TRHDE: variants seen among roughly 807,000 people sequenced by gnomAD.
The protein encoded by TRHDE is thyrotropin-releasing hormone-degrading ectoenzyme.
A neutral mutation model predicts 125.7 loss-of-function variants in TRHDE; 72 were observed. The observed-to-expected ratio is 0.57, with a 90% CI of 0.47 to 0.70. The LOEUF is 0.70. TRHDE is among the 30% of genes least tolerant of loss of function. TRHDE has a pLI of 0.00. For synonymous variants in TRHDE, 509 were observed against 509.1 expected, an observed-to-expected ratio of 1.00 and a Z score of 0.00; for missense variants, 1,110 against 1,327.1, an observed-to-expected ratio of 0.84 and a Z score of 2.54.
chr12:72,495,068 T>G (rs1055234016), intron 5 of TRHDE, among the ~76,000 whole-genome samples: 2 of 138,486 alleles, frequency 1.4e-5, no homozygotes, highest in African/African-American at 5.3e-5. Flanking sequence ...CCGTTTTTTT[T>G]TTTTTTTTTT....
chr12:72,272,075 C>A, upstream of TRHDE: 1 of 457,742 alleles, frequency 2.2e-6, no homozygotes, highest in Non-Finnish European at 4.4e-6. The surrounding 1 kb of genome is among the most constrained non-coding windows in gnomAD (Gnocchi z 6.7). Flanking sequence ...TCTCCAGCTG[C>A]AGGGTGTATG....
At chr12:72,098,507 G>A (rs1874990773) in intron 1 of TRHDE, among the ~76,000 whole-genome samples, 1 of 152,030 alleles carries the variant, frequency 6.6e-6, no homozygotes, top group Non-Finnish European at 1.5e-5. Context: ...TGCTGTTTCT[G>A]TAATTTAGAG....
chr12:72,174,812 C>T (rs1876952573), intron 2 of TRHDE, among the ~76,000 whole-genome samples: 1 of 152,152 alleles, frequency 6.6e-6, no homozygotes, highest in South Asian at 2.1e-4. Context: ...TTTGTCATTT[C>T]ATTAAGGTGG....
At chr12:72,429,359 A>G (rs1874336110) in intron 3 of TRHDE, among the ~76,000 whole-genome samples, 1 of 149,378 alleles carries the variant, frequency 6.7e-6, no homozygotes, top group South Asian at 2.1e-4. Flanking sequence ...TAATAATAAT[A>G]ATAATAATAA....
At chr12:72,646,784 T>C (rs555742404) in intron 15 of TRHDE, among the ~76,000 whole-genome samples, 2 of 151,990 alleles carry the variant, frequency 1.3e-5, no homozygotes, top group Admixed American at 6.6e-5. Flanking sequence ...TAGAAAGATA[T>C]AACAAATTAT....
chr12:72,523,897 T>C (rs539183013), intron 6 of TRHDE, among the ~76,000 whole-genome samples: 1 of 152,296 alleles, frequency 6.6e-6, no homozygotes, highest in South Asian at 2.1e-4. Context: ...ACAGAATACA[T>C]CTGTGCTTTG....
chr12:72,128,983 C>T (rs1875789805), intron 2 of TRHDE, among the ~76,000 whole-genome samples: 1 of 152,114 alleles, frequency 6.6e-6, no homozygotes, highest in East Asian at 1.9e-4. Context: ...CACTAAGGCA[C>T]ATCATAATTA....
At chr12:72,561,485 AGAG>A (rs1357111625) in intron 7 of TRHDE, among the ~76,000 whole-genome samples, 9 of 152,320 alleles carry the variant, frequency 5.9e-5, no homozygotes, top group East Asian at 1.9e-4. Context: ...CATGCTTCTT[AGAG>A]GAGAACAAAG....
Position 72,153,206 on chromosome 12 carries a change from G to C in TRHDE, n.279+47454G>C, listed in dbSNP as rs573428490. ...CATAGAGGTGTTTATAGTATTCTCT[G>C]ATGGTAGTTTGTATTTCTGTGGGAT... On this transcript the variant is annotated intron_variant and non_coding_transcript_variant, in intron 2 of 4. Transcript: ENST00000548156. Among the ~76,000 whole-genome samples, 9 of 152,256 alleles carry C rather than the reference G, an allele frequency of 5.9e-5. No individual in the cohort carries two copies. In the Middle Eastern group the frequency reaches 0.01, roughly 173 times the overall value.
chr12:72,551,679 T>C (rs1869679894), intron 7 of TRHDE, among the ~76,000 whole-genome samples: 1 of 152,146 alleles, frequency 6.6e-6, no homozygotes, highest in African/African-American at 2.4e-5. Flanking sequence ...GGCATGGTCC[T>C]GAATACACAG....
intron 5 of TRHDE, among the ~76,000 whole-genome samples, chr12:72,496,395 G>A (rs1388058903): frequency 2.0e-5 from 3 of 152,278 alleles, no homozygotes; most frequent in South Asian, 2.1e-4. Context: ...CAAACATGGC[G>A]GAAGGCGAAT....
chr12:72,268,035 G>A (rs1186505120), upstream of TRHDE, among the ~76,000 whole-genome samples: 1 of 152,076 alleles, frequency 6.6e-6, no homozygotes, highest in Non-Finnish European at 1.5e-5. Flanking sequence ...AATAAACTTT[G>A]CAGTAATGTT....
intron 17 of TRHDE, among the ~76,000 whole-genome samples, chr12:72,654,886 T>G (rs1874645923): frequency 6.6e-6 from 1 of 152,170 alleles, no homozygotes; most frequent in South Asian, 2.1e-4. Context: ...AAACACACTT[T>G]AGCCTCTTCC....
chr12:72,268,361 GATTA>G (rs1392311128), upstream of TRHDE, among the ~76,000 whole-genome samples: 35 of 152,082 alleles, frequency 2.3e-4, no homozygotes, highest in Admixed American at 2.3e-3. Context: ...TCATGAAGAA[GATTA>G]ATTAAATATT....
At chr12:72,553,435 AACCC>A (rs1452333765) in intron 7 of TRHDE, among the ~76,000 whole-genome samples, 6 of 152,208 alleles carry the variant, frequency 3.9e-5, no homozygotes, top group Non-Finnish European at 8.8e-5. Flanking sequence ...ATAGACAAAT[AACCC>A]ACCATTAATA....
intron 2 of TRHDE, among the ~76,000 whole-genome samples, chr12:72,305,664 T>C (rs1412914924): frequency 6.6e-6 from 1 of 152,204 alleles, no homozygotes; most frequent in East Asian, 1.9e-4. Flanking sequence ...AAAGCCATTA[T>C]TAACTGGTTG....
chr12:72,092,432 G>A (rs1185739637), intron 1 of TRHDE, among the ~76,000 whole-genome samples: 1 of 152,196 alleles, frequency 6.6e-6, no homozygotes, highest in African/African-American at 2.4e-5. Flanking sequence ...TCAAACACAA[G>A]TGGATGGAGA....
intron 2 of TRHDE, among the ~76,000 whole-genome samples, chr12:72,349,615 C>A (rs1870491306): frequency 6.6e-6 from 1 of 151,798 alleles, no homozygotes; most frequent in Admixed American, 6.6e-5. Flanking sequence ...AGCAGTAGAC[C>A]CTACTGACTT....
chr12:72,399,492 T>G (rs376990421), intron 3 of TRHDE, among the ~76,000 whole-genome samples: 12 of 152,280 alleles, frequency 7.9e-5, no homozygotes, highest in African/African-American at 2.9e-4. Context: ...TGTAAACATA[T>G]AGGAAACAGA....
Sources: gnomAD v4.1 joint callset for allele counts (sites outside exome capture counted in the v4.1 genomes callset) on GRCh38, gnomAD v4.1.1 for gene constraint, Gnocchi (gnomAD v3.1) non-coding constraint, MANE v1.5 for transcripts, NCBI Gene and HGNC (gene_info 2026-07-23, HGNC 2026-07-21) for gene names.